TGFBI: variants seen among roughly 807,000 people sequenced by gnomAD.
TGFBI encodes transforming growth factor-beta-induced protein ig-h3.
In TGFBI, 50 loss-of-function variants were observed where a neutral mutation model predicts 73.7. That is an observed-to-expected ratio of 0.68 (90% CI 0.54 to 0.86). TGFBI has a LOEUF of 0.86. TGFBI is among the 40% of genes least tolerant of loss of function. The pLI is 0.00. For missense variants in TGFBI, 839 were observed against 877.0 expected (o/e 0.96, Z 0.55); for synonymous variants, 362 against 360.5 (o/e 1.00, Z -0.05).
chr5:136,032,604 G>A (rs1369574658), intron 1 of TGFBI, among the ~76,000 whole-genome samples: 1 of 152,224 alleles, frequency 6.6e-6, no homozygotes, highest in Non-Finnish European at 1.5e-5. Flanking sequence ...TCCTTTGGGT[G>A]ATACCTGAAG....
intron 7 of TGFBI, among the ~76,000 whole-genome samples, chr5:136,051,188 G>A (rs559740937): frequency 3.3e-5 from 5 of 152,312 alleles, no homozygotes; most frequent in South Asian, 2.1e-4. Context: ...CCAGCACTTT[G>A]GGAAGCCAAG....
intron 4 of TGFBI, 100 bp downstream of exon 4, chr5:136,046,595 T>C (rs1048381586): frequency 1.0e-5 from 14 of 1,403,798 alleles, no homozygotes; most frequent in East Asian, 5.0e-5. Flanking sequence ...CATTTCCTAC[T>C]GTTTCAGGAA....
intron 6 of TGFBI, 153 bp from the exon 7 acceptor site, chr5:136,049,286 G>T (rs919271033): frequency 1.0e-5 from 11 of 1,052,174 alleles, no homozygotes; most frequent in Admixed American, 2.7e-5. Flanking sequence ...GGGGGCCATG[G>T]TCATGGGTGA....
At chr5:136,036,482 A>G (rs1324305216) in intron 2 of TGFBI, among the ~76,000 whole-genome samples, 1 of 152,248 alleles carries the variant, frequency 6.6e-6, no homozygotes, top group Non-Finnish European at 1.5e-5. Context: ...GAAAAGATCC[A>G]GAGAACTCAG....
intron 7 of TGFBI, 162 bp downstream of exon 7, chr5:136,049,742 C>T (rs1751499454): frequency 1.3e-6 from 1 of 777,400 alleles, no homozygotes; most frequent in Non-Finnish European, 2.0e-6. Flanking sequence ...CTTCAGCTAA[C>T]CGTGTCTCTA....
chr5:136,055,544 C>G, intron 10 of TGFBI, 136 bp from the exon 11 acceptor site: 1 of 743,908 alleles, frequency 1.3e-6, no homozygotes, highest in Non-Finnish European at 1.9e-6. Flanking sequence ...CATTTTATCC[C>G]AGCCTTAATA....
chr5:136,034,462 A>G (rs1166078776), intron 2 of TGFBI, among the ~76,000 whole-genome samples: 1 of 151,992 alleles, frequency 6.6e-6, no homozygotes, highest in Non-Finnish European at 1.5e-5. Flanking sequence ...TGTTACAAGG[A>G]TTGAATGAAA....
intron 5 of TGFBI, 58 bp from the exon 6 acceptor site, chr5:136,047,216 G>A (rs1044458939): frequency 1.2e-5 from 20 of 1,600,494 alleles, no homozygotes; most frequent in Non-Finnish European, 1.7e-5. Flanking sequence ...TCCTCCCGGG[G>A]CTTTGGGACT....
Position 136,055,765 on chromosome 5 carries a change from C to G in TGFBI, c.1496C>G (p.Thr499Ser), listed in dbSNP as rs765573708. 1.9e-6 allele frequency: 3 copies of G among 1,611,264 alleles called. No individual in the cohort carries two copies. The highest frequency in any genetic ancestry group is 1.3e-5 in the African/African-American group (1 of 74,988). ...CTGTTCACGATGGACCGGGTGCTGA[C>G]CCCCCCAATGGGGACTGTCATGGAT... The part of the protein sequence containing the change: ...GTLFTMDRVL[T>S]PPMGTVMDVL... The change falls in exon 11 of 17, where the codon ACC becomes AGC. Residue 499 changes from threonine (T) to serine (S), a missense_variant. Physicochemically the swap from Thr to Ser is moderately conservative, Grantham distance 58. Coordinates refer to ENST00000442011, the MANE Select transcript of TGFBI (RefSeq NM_000358.3).
chr5:136,041,317 G>A (rs185247965), intron 2 of TGFBI, among the ~76,000 whole-genome samples: 6 of 152,352 alleles, frequency 3.9e-5, no homozygotes, highest in Non-Finnish European at 8.8e-5. Flanking sequence ...CTGAGGGACT[G>A]AGCCTTGGTT....
chr5:136,033,797 A>T lies in TGFBI; in HGVS notation c.169A>T (p.Thr57Ser), dbSNP rs1249424973. 1.2e-6 allele frequency: 2 copies of T among 1,613,804 alleles called. No homozygotes were observed. The highest frequency in any genetic ancestry group is 2.7e-5 in the African/African-American group (2 of 74,906). The change falls in exon 2 of 17, where the codon ACT becomes TCT. Residue 57 changes from threonine (T) to serine (S), a missense_variant. Physicochemically the swap from Thr to Ser is moderately conservative, Grantham distance 58. Coordinates refer to ENST00000442011, the MANE Select transcript of TGFBI (RefSeq NM_000358.3). The part of the protein sequence containing the change: ...NVCAVQKVIG[T>S]NRKYFTNCKQ... ...GTGTGCTGTGCAGAAGGTTATTGGC[A>T]CTAATAGGAAGTACTTCACCAACTG...
intron 16 of TGFBI, among the ~76,000 whole-genome samples, chr5:136,062,970 T>C (rs1201623447): frequency 6.6e-6 from 1 of 152,156 alleles, no homozygotes; most frequent in Admixed American, 6.5e-5. Flanking sequence ...CAGGAACCCA[T>C]GGTGAGGATC....
intron 12 of TGFBI, among the ~76,000 whole-genome samples, chr5:136,058,518 G>A (rs1160414738): frequency 6.6e-6 from 1 of 152,164 alleles, no homozygotes; most frequent in Non-Finnish European, 1.5e-5. Context: ...GCTGCGGAGG[G>A]AATATCCCCC....
At chr5:136,034,010 G>A (rs1163879129) in intron 2 of TGFBI, 149 bp downstream of exon 2, 3 of 697,894 alleles carry the variant, frequency 4.3e-6, no homozygotes, top group African/African-American at 1.8e-5. Flanking sequence ...GTGCTAGGGA[G>A]TGGCATTTTT....
intron 14 of TGFBI, 65 bp downstream of exon 14, chr5:136,061,001 G>A: frequency 8.4e-7 from 1 of 1,189,370 alleles, no homozygotes; most frequent in East Asian, 2.4e-5. Context: ...TTGGTGGAGA[G>A]AAGAAAAACT....
chr5:136,053,841 C>A, intron 8 of TGFBI, 102 bp from the exon 9 acceptor site: 3 of 1,538,916 alleles, frequency 1.9e-6, no homozygotes, highest in Admixed American at 3.5e-5. Context: ...TGTTGACTCA[C>A]GAGATGACAT....
Position 136,056,768 on chromosome 5 carries a change from C to T in TGFBI, c.1651C>T (p.Pro551Ser). ...APTNEAFRAL[P>S]PRERSRLLGD... ...CACAAATGAAGCCTTCCGAGCCCTG[C>T]CACCAAGAGAACGGAGCAGACTCTT... is the stretch of plus-strand genomic sequence containing the variant. Residue 551 changes from proline to serine, a missense_variant, in exon 12 of 17, where the codon CCA (proline) becomes TCA (serine). Transcript: ENST00000442011. 1 of 1,613,860 alleles carries T rather than the reference C, an allele frequency of 6.2e-7. No individual in the cohort carries two copies. Among genetic ancestry groups the T allele is most frequent in the Non-Finnish European group, 8.5e-7 (1 of 1,179,820 alleles).
At chr5:136,056,843 C>A in intron 12 of TGFBI, 48 bp downstream of exon 12, 3 of 1,556,582 alleles carry the variant, frequency 1.9e-6, no homozygotes, top group Middle Eastern at 1.7e-4. Context: ...AAGTAGTGAT[C>A]CCTCAGGGCC....
chr5:136,053,016 G>A lies in TGFBI; in HGVS notation c.1023G>A (p.Gly341=). The A allele has an allele frequency of 6.2e-7, 1 of 1,614,014 alleles. No homozygotes were observed. The highest frequency in any genetic ancestry group is 8.5e-7 in the Non-Finnish European group (1 of 1,179,892). Reference sequence around the variant, plus strand: ...CGACACTGGAGGTGGGCTGCAGCGGGGACATGCTCACTATCAACGGGAAGG... The same window carrying A: ...CGACACTGGAGGTGGGCTGCAGCGGAGACATGCTCACTATCAACGGGAAGG... ...EGTTLEVGCS[G]DMLTINGKAI... is the part of the protein sequence containing the mutation. The change falls in exon 8 of 17, where the codon GGG becomes GGA. Residue 341 remains glycine, a synonymous_variant. Coordinates refer to ENST00000442011, the MANE Select transcript of TGFBI (RefSeq NM_000358.3).
Sources: allele counts gnomAD v4.1 joint callset (sites outside exome capture counted in the v4.1 genomes callset), GRCh38; gene constraint gnomAD v4.1.1; transcripts MANE v1.5; gene names NCBI Gene and HGNC (gene_info 2026-07-23, HGNC 2026-07-21).